The following ARHGAP21 variants were observed in gnomAD, a reference collection of about 807,000 sequenced individuals.
The protein encoded by ARHGAP21 is rho GTPase-activating protein 21.
In ARHGAP21, 38 loss-of-function variants were observed where a neutral mutation model predicts 164.6. That is an observed-to-expected ratio of 0.23 (90% CI 0.18 to 0.30). The LOEUF is 0.30. ARHGAP21 is among the 10% of genes least tolerant of loss of function. ARHGAP21 has a pLI of 1.00. For synonymous variants in ARHGAP21, 766 were observed against 857.9 expected (o/e 0.89, Z 1.87); for missense variants, 1,822 against 2,370.7 (o/e 0.77, Z 4.81).
intron 2 of ARHGAP21, among the ~76,000 whole-genome samples, chr10:24,719,125 A>ACC (rs1845678592): frequency 6.6e-6 from 1 of 151,782 alleles, no homozygotes; most frequent in Non-Finnish European, 1.5e-5. Context: ...ACACACACAC[A>ACC]CACACCCCAA....
intron 2 of ARHGAP21, among the ~76,000 whole-genome samples, chr10:24,679,673 A>G (rs1435917111): frequency 6.6e-6 from 1 of 152,230 alleles, no homozygotes; most frequent in Non-Finnish European, 1.5e-5. Context: ...GGATAATGGT[A>G]TCTCACTGTG....
At chr10:24,711,886 T>C (rs1232418354) in intron 2 of ARHGAP21, among the ~76,000 whole-genome samples, 2 of 151,902 alleles carry the variant, frequency 1.3e-5, no homozygotes, top group Non-Finnish European at 2.9e-5. Flanking sequence ...CATGACCTTA[T>C]TTTGAAAAAG....
intron 2 of ARHGAP21, among the ~76,000 whole-genome samples, chr10:24,670,868 G>A (rs371211192): frequency 6.6e-6 from 1 of 152,100 alleles, no homozygotes; most frequent in Non-Finnish European, 1.5e-5. Flanking sequence ...TTCTGAGCAC[G>A]AATTCAATAT....
chr10:24,689,834 GTGTATATATATGTATATATGTATA>G (rs1297224344), intron 2 of ARHGAP21, among the ~76,000 whole-genome samples: 10 of 147,672 alleles, frequency 6.8e-5, no homozygotes, highest in African/African-American at 2.2e-4. Context: ...ATATATGTAT[GTGTATATATATGTATATATGTATA>G]TGTATGTGTA....
At position 24,586,108 on chromosome 10, in the gene ARHGAP21, T is replaced by C; in HGVS notation, c.4183-2A>G. The C allele has an allele frequency of 6.4e-7, 1 of 1,568,690 alleles. No homozygotes were observed. Among genetic ancestry groups the C allele is most frequent in the Non-Finnish European group, 8.6e-7 (1 of 1,162,262 alleles). ...ATCCTTTCCAGATCCCCAAGAACCC[T>C]GGGAAGCAAGAGAGAAGAAAGACTC... On this transcript the variant is annotated splice_acceptor_variant, in intron 25 of 25. Transcript: ENST00000396432. LOFTEE classifies it high-confidence loss of function.
chr10:24,702,319 G>T (rs961185670), intron 2 of ARHGAP21, among the ~76,000 whole-genome samples: 4 of 151,630 alleles, frequency 2.6e-5, no homozygotes, highest in Non-Finnish European at 5.9e-5. Flanking sequence ...TTTTAGTAGA[G>T]ACGGGGTTTC....
chr10:24,666,531 C>T (rs1293842605), intron 4 of ARHGAP21, among the ~76,000 whole-genome samples: 1 of 152,122 alleles, frequency 6.6e-6, no homozygotes, highest in Non-Finnish European at 1.5e-5. Context: ...TATCTCCAGC[C>T]TGATTGTCCT....
At chr10:24,621,555 A>C (rs1834544593) in intron 8 of ARHGAP21, among the ~76,000 whole-genome samples, 186 bp from the exon 9 acceptor site, 1 of 152,234 alleles carries the variant, frequency 6.6e-6, no homozygotes, top group Non-Finnish European at 1.5e-5. Context: ...CAGAAATCAA[A>C]TAAACTGTAG....
At chr10:24,601,006 C>T in intron 13 of ARHGAP21, 76 bp from the exon 14 acceptor site, 2 of 1,501,122 alleles carry the variant, frequency 1.3e-6, no homozygotes, top group Non-Finnish European at 1.8e-6. Context: ...CATTAAGCAA[C>T]ACCCTTCCTC....
chr10:24,677,595 C>A (rs1447161073), intron 2 of ARHGAP21, among the ~76,000 whole-genome samples: 1 of 151,960 alleles, frequency 6.6e-6, no homozygotes, highest in East Asian at 1.9e-4. Flanking sequence ...TTTAGCGGAG[C>A]ATAACATGAG....
intron 9 of ARHGAP21, among the ~76,000 whole-genome samples, chr10:24,612,221 A>G (rs1159875179): frequency 6.6e-6 from 1 of 152,202 alleles, no homozygotes; most frequent in African/African-American, 2.4e-5. Context: ...TCTGCTACGA[A>G]GTAGTATTCC....
intron 24 of ARHGAP21, chr10:24,590,473 A>G (rs1340749515): frequency 2.6e-6 from 4 of 1,535,196 alleles, no homozygotes; most frequent in Non-Finnish European, 3.5e-6. Flanking sequence ...GACTCCTCCC[A>G]CTTCGCCTGT....
chr10:24,717,858 GT>G (rs11320991), intron 2 of ARHGAP21, among the ~76,000 whole-genome samples: 64,859 of 151,852 alleles, frequency 0.43, 14,004 homozygotes, highest in Non-Finnish European at 0.43. Flanking sequence ...CCTCCAAACA[GT>G]TGGGACTACA....
chr10:24,702,612 G>A (rs1260914014), intron 2 of ARHGAP21, among the ~76,000 whole-genome samples: 1 of 149,414 alleles, frequency 6.7e-6, no homozygotes, highest in African/African-American at 2.5e-5. Context: ...TTTGAGACAA[G>A]GTCTTGCTCT....
At chr10:24,642,496 C>A (rs549646247) in intron 4 of ARHGAP21, among the ~76,000 whole-genome samples, 10 of 122,954 alleles carry the variant, frequency 8.1e-5, no homozygotes, top group Non-Finnish European at 1.3e-4. Context: ...GCCTGGGCGA[C>A]AGAGCGAGAC....
At chr10:24,627,260 T>C (rs1445486485) in intron 7 of ARHGAP21, among the ~76,000 whole-genome samples, 1 of 152,214 alleles carries the variant, frequency 6.6e-6, no homozygotes, top group African/African-American at 2.4e-5. Flanking sequence ...ACATTACCCA[T>C]TGCTTTTCTT....
chr10:24,608,639 C>A (rs974491603), intron 9 of ARHGAP21, among the ~76,000 whole-genome samples: 6 of 152,130 alleles, frequency 3.9e-5, no homozygotes, highest in South Asian at 2.1e-4. Flanking sequence ...TGATTAAATT[C>A]TAAGGATGCT....
intron 7 of ARHGAP21, among the ~76,000 whole-genome samples, chr10:24,626,561 G>A (rs1042035347): frequency 6.6e-6 from 1 of 152,106 alleles, no homozygotes; most frequent in Non-Finnish European, 1.5e-5. Context: ...GGGCTTCCCA[G>A]CCTCCAGAAT....
intron 4 of ARHGAP21, among the ~76,000 whole-genome samples, chr10:24,649,462 C>G (rs1837936167): frequency 6.6e-6 from 1 of 152,026 alleles, no homozygotes; most frequent in African/African-American, 2.4e-5. Flanking sequence ...ATGCCCCCAC[C>G]AACCCAGAGG....
Sources: allele counts gnomAD v4.1 joint callset (sites outside exome capture counted in the v4.1 genomes callset), GRCh38; gene constraint gnomAD v4.1.1; transcripts MANE v1.5; gene names NCBI Gene and HGNC (gene_info 2026-07-23, HGNC 2026-07-21).